The following CMTM8 variants were observed in gnomAD, a reference collection of about 807,000 sequenced individuals.
CMTM8 encodes CKLF-like MARVEL transmembrane domain-containing protein 8.
A neutral mutation model predicts 18.6 loss-of-function variants in CMTM8; 12 were observed. The ratio of observed to expected loss-of-function variants is 0.65; its 90% CI spans 0.41 to 1.05. The LOEUF (loss-of-function observed/expected upper bound fraction) is 1.05. CMTM8 is among the 50% of genes least tolerant of loss of function. CMTM8 has a pLI of 0.00. For synonymous variants in CMTM8, 87 were observed against 90.6 expected, an observed-to-expected ratio of 0.96 and a Z score of 0.23; for missense variants, 217 against 227.2, an observed-to-expected ratio of 0.95 and a Z score of 0.29.
intron 1 of CMTM8, among the ~76,000 whole-genome samples, chr3:32,305,647 A>G (rs1695702222): frequency 6.6e-6 from 1 of 152,126 alleles, no homozygotes; most frequent in Admixed American, 6.5e-5. Flanking sequence ...TAGGAGCCCC[A>G]TTTGGGCTGG....
At chr3:32,302,093 G>A (rs913568334) in intron 1 of CMTM8, among the ~76,000 whole-genome samples, 1 of 151,554 alleles carries the variant, frequency 6.6e-6, no homozygotes, top group African/African-American at 2.4e-5. Flanking sequence ...AACGCTTTGG[G>A]GGGCCAAGGC....
At chr3:32,287,757 G>A (rs1360952531) in intron 1 of CMTM8, among the ~76,000 whole-genome samples, 1 of 152,148 alleles carries the variant, frequency 6.6e-6, no homozygotes, top group African/African-American at 2.4e-5. Flanking sequence ...ATTATTTAAT[G>A]TATTCCCTCA....
At chr3:32,293,077 G>GTATA (rs61467491) in intron 1 of CMTM8, among the ~76,000 whole-genome samples, 20,518 of 145,512 alleles carry the variant, frequency 0.14, 1,438 homozygotes, top group African/African-American at 0.15. Flanking sequence ...ATATGTGTGT[G>GTATA]TATATATATA....
chr3:32,268,917 A>G (rs4622935), intron 1 of CMTM8, among the ~76,000 whole-genome samples: 25,790 of 152,212 alleles, frequency 0.17, 2,853 homozygotes, highest in African/African-American at 0.31. Context: ...TCTGGGGGGA[A>G]AATAGGGATC....
chr3:32,314,450 A>C (rs915537805), intron 1 of CMTM8, among the ~76,000 whole-genome samples: 12 of 150,926 alleles, frequency 8.0e-5, no homozygotes, highest in African/African-American at 2.9e-4. Flanking sequence ...CCTACTGGGG[A>C]GAGGGTGGGT....
chr3:32,260,171 C>T (rs1353439412), intron 1 of CMTM8: 24 of 1,210,378 alleles, frequency 2.0e-5, no homozygotes, highest in South Asian at 9.7e-5. Flanking sequence ...CACCACCTGC[C>T]GGAGAGTGGA....
At chr3:32,367,088 C>T (rs1244588968) in intron 2 of CMTM8, among the ~76,000 whole-genome samples, 1 of 152,206 alleles carries the variant, frequency 6.6e-6, no homozygotes, top group East Asian at 1.9e-4. Flanking sequence ...TGTTAGACCA[C>T]AGAGGGCCCA....
chr3:32,261,806 C>G (rs1323795128), intron 1 of CMTM8, among the ~76,000 whole-genome samples: 1 of 152,170 alleles, frequency 6.6e-6, no homozygotes, highest in Non-Finnish European at 1.5e-5. Flanking sequence ...AAATGCCATC[C>G]GATTGCTTGT....
chr3:32,357,592 G>A, intron 2 of CMTM8, 46 bp downstream of exon 2: 1 of 1,585,246 alleles, frequency 6.3e-7, no homozygotes. Context: ...CCACTCGGTA[G>A]ATGGCATTAG....
At chr3:32,302,089 T>G (rs1695629493) in intron 1 of CMTM8, among the ~76,000 whole-genome samples, 1 of 151,738 alleles carries the variant, frequency 6.6e-6, no homozygotes, top group Non-Finnish European at 1.5e-5. Flanking sequence ...TCCCAACGCT[T>G]TGGGGGGCCA....
intron 2 of CMTM8, among the ~76,000 whole-genome samples, chr3:32,365,421 T>G (rs114342950): frequency 8.0e-4 from 119 of 149,652 alleles, no homozygotes; most frequent in African/African-American, 1.9e-3. Context: ...CCTTCTGTTT[T>G]TGTGTGTGTG....
Position 32,331,823 on chromosome 3 carries a change from T to C in CMTM8, c.148-25550T>C, listed in dbSNP as rs540184853. Reference sequence around the variant, plus strand: ...CATGCTTTCACTTATATAAGGTATCTAAAGTAATCAAACTCCTAGAAAGTA... The same window carrying C: ...CATGCTTTCACTTATATAAGGTATCCAAAGTAATCAAACTCCTAGAAAGTA... On this transcript the variant is annotated intron_variant, in intron 1 of 3. Transcript: ENST00000307526. Among the ~76,000 whole-genome samples the C allele has an allele frequency of 1.9e-3, 291 of 152,280 alleles. 2 individuals carry two copies. The South Asian group carries it at 0.031, about 16-fold the overall frequency.
intron 1 of CMTM8, among the ~76,000 whole-genome samples, chr3:32,265,050 A>G (rs1341437379): frequency 1.3e-5 from 2 of 152,162 alleles, no homozygotes; most frequent in Non-Finnish European, 2.9e-5. Context: ...TCAACAAGAC[A>G]CAAAGTTAAC....
chr3:32,256,320 T>C (rs895257189), intron 1 of CMTM8, among the ~76,000 whole-genome samples: 7 of 152,142 alleles, frequency 4.6e-5, no homozygotes, highest in Non-Finnish European at 7.3e-5. Context: ...GCCTTCTGCC[T>C]CGGCTTCCCA....
intron 2 of CMTM8, among the ~76,000 whole-genome samples, chr3:32,361,255 A>G (rs1696919024): frequency 7.7e-6 from 1 of 130,540 alleles, no homozygotes; most frequent in South Asian, 2.8e-4. Context: ...TACTGGGATT[A>G]CAGGTGTGAG....
chr3:32,340,784 C>G (rs1696477590), intron 1 of CMTM8, among the ~76,000 whole-genome samples: 1 of 152,310 alleles, frequency 6.6e-6, no homozygotes, highest in South Asian at 2.1e-4. Context: ...GTTTGCCAAC[C>G]CCTGGTGAAA....
At chr3:32,263,012 C>T (rs1406458878) in intron 1 of CMTM8, among the ~76,000 whole-genome samples, 3 of 152,108 alleles carry the variant, frequency 2.0e-5, no homozygotes, top group Non-Finnish European at 2.9e-5. Flanking sequence ...CCAAAATAGC[C>T]GAATAGGAAC....
At chr3:32,330,066 A>G (rs1451056403) in intron 1 of CMTM8, among the ~76,000 whole-genome samples, 1 of 152,228 alleles carries the variant, frequency 6.6e-6, no homozygotes, top group Non-Finnish European at 1.5e-5. Context: ...CACTGCTGAA[A>G]GAAATTAAAG....
intron 2 of CMTM8, among the ~76,000 whole-genome samples, chr3:32,362,965 T>C (rs1370521117): frequency 6.6e-6 from 1 of 152,244 alleles, no homozygotes; most frequent in African/African-American, 2.4e-5. Flanking sequence ...ACAGTCAATT[T>C]CTAAATGACT....
Sources: allele counts gnomAD v4.1 joint callset (sites outside exome capture counted in the v4.1 genomes callset), GRCh38; gene constraint gnomAD v4.1.1; transcripts MANE v1.5; gene names NCBI Gene and HGNC (gene_info 2026-07-23, HGNC 2026-07-21).